The following AK9 variants were observed in gnomAD, a reference collection of about 807,000 sequenced individuals.
AK9 encodes adenylate kinase 9.
In AK9, 191 loss-of-function variants were observed where a neutral mutation model predicts 239.6. The ratio of observed to expected loss-of-function variants is 0.80; its 90% CI spans 0.71 to 0.90. AK9 has a LOEUF of 0.90. AK9 is among the 40% of genes least tolerant of loss of function. The pLI is 0.00. For missense variants in AK9, 1,995 were observed against 2,214.7 expected (o/e 0.90, Z 1.99); for synonymous variants, 689 against 721.0 (o/e 0.96, Z 0.71).
chr6:109,520,027 A>C (rs989944352), intron 29 of AK9, among the ~76,000 whole-genome samples: 4 of 152,128 alleles, frequency 2.6e-5, no homozygotes, highest in Admixed American at 2.6e-4. Context: ...ATAGTTTGTG[A>C]ATATTTTCTC....
In AK9 at chr6:109,672,125, G is replaced by A. The variant is rs771146145; in HGVS notation, c.224C>T (p.Ser75Leu). The change falls in exon 4 of 41, where the codon TCA becomes TTA. Residue 75 changes from serine to leucine, a missense_variant. Transcript: ENST00000424296. The stretch of plus-strand genomic sequence containing the variant: ...TTTAGGTTTGTTTACCATAACTCCT[G>A]ATTCGGTTTCAGCAGCAATCTGTTC... ...LEEQIAAETESGVMLQSMLIS... is the reference protein window; with the variant it reads ...LEEQIAAETELGVMLQSMLIS... The A allele has an allele frequency of 6.2e-7, 1 of 1,613,358 alleles. No homozygotes were observed. The highest frequency in any genetic ancestry group is 8.5e-7 in the Non-Finnish European group (1 of 1,179,700).
chr6:109,647,596 TTAGTGAC>T (rs1333112800), intron 8 of AK9, among the ~76,000 whole-genome samples: 1 of 152,168 alleles, frequency 6.6e-6, no homozygotes, highest in Non-Finnish European at 1.5e-5. Context: ...AAGCAAGTCC[TTAGTGAC>T]TTACAAAGAA....
At chr6:109,627,703 TG>T (rs1795708154) in intron 12 of AK9, among the ~76,000 whole-genome samples, 1 of 152,248 alleles carries the variant, frequency 6.6e-6, no homozygotes. Flanking sequence ...TCACCCAGGC[TG>T]GAATGCAGTG....
At chr6:109,567,867 G>T (rs952846545) in intron 21 of AK9, among the ~76,000 whole-genome samples, 1 of 130,652 alleles carries the variant, frequency 7.7e-6, no homozygotes, top group African/African-American at 2.8e-5. Flanking sequence ...ATGTACCCTA[G>T]AACTTAAAGT....
intron 5 of AK9, among the ~76,000 whole-genome samples, chr6:109,664,570 G>C (rs951853750): frequency 6.6e-6 from 1 of 152,002 alleles, no homozygotes; most frequent in East Asian, 2.0e-4. Flanking sequence ...GACTACAGGC[G>C]CATGCTACCA....
At position 109,573,483 on chromosome 6, in the gene AK9, T is replaced by A. The variant is rs751535031; in HGVS notation, c.2303A>T (p.Glu768Val). 100 of 1,551,000 alleles carry A rather than the reference T, an allele frequency of 6.4e-5. 1 individual carries two copies. In the South Asian group the frequency reaches 7.1e-4, roughly 11 times the overall value. ...TTCAGGGACCTCAGATGCTTCAAAC[T>A]CCTCAGGTAACCATGACCCTCGGGT... ...HDTRGSWLPEEFEASEVPETE... is the reference protein window; with the variant it reads ...HDTRGSWLPEVFEASEVPETE... The change falls in exon 21 of 41, where the codon GAG (glutamate) becomes GTG (valine). Residue 768 changes from glutamate to valine, a missense_variant. Glu to Val is a moderately radical substitution (Grantham distance 121). Coordinates refer to ENST00000424296, the MANE Select transcript of AK9 (RefSeq NM_001145128.3).
At chr6:109,670,199 G>T (rs1801865851) in intron 5 of AK9, among the ~76,000 whole-genome samples, 1 of 152,018 alleles carries the variant, frequency 6.6e-6, no homozygotes, top group Admixed American at 6.6e-5. Flanking sequence ...GTTAGATCCT[G>T]CTTCAAAAAA....
chr6:109,600,834 C>T (rs1037091265), intron 17 of AK9, among the ~76,000 whole-genome samples: 1 of 152,228 alleles, frequency 6.6e-6, no homozygotes, highest in Middle Eastern at 3.4e-3. Flanking sequence ...TGAATTTATC[C>T]ATTTCTTCTA....
At chr6:109,682,688 G>A (rs1772854073) in intron 1 of AK9, among the ~76,000 whole-genome samples, 2 of 152,168 alleles carry the variant, frequency 1.3e-5, no homozygotes, top group African/African-American at 4.8e-5. Context: ...ACCCTCCCAA[G>A]TCTAAACCAG....
chr6:109,494,504 ACCTGACACGTAATT>A (rs1280524360), intron 39 of AK9: 1 of 157,146 alleles, frequency 6.4e-6, no homozygotes, highest in Non-Finnish European at 1.4e-5. Context: ...ACCCTTGGCT[ACCTGACACGTAATT>A]CCAGAGACCA....
intron 21 of AK9, among the ~76,000 whole-genome samples, chr6:109,569,855 T>C (rs1166064076): frequency 6.6e-6 from 1 of 152,144 alleles, no homozygotes; most frequent in East Asian, 1.9e-4. Context: ...GTTCAACCAT[T>C]GTGGAAGACA....
chr6:109,585,874 C>G lies in AK9; in HGVS notation c.1999+42G>C, dbSNP rs1274180887. 15 of 1,510,336 alleles carry G rather than the reference C, an allele frequency of 9.9e-6. No individual in the cohort carries two copies. The South Asian group carries it at 1.9e-4, about 20-fold the overall frequency. 93.6% of individuals were successfully genotyped at this position (1,510,336 alleles called of 1,614,324 possible). ...TATATTTAACCAAAAATATCAATAA[C>G]AAAACTTCACTTTCAAATTTACATA... On this transcript the variant is annotated intron_variant, in intron 18 of 40. Coordinates refer to ENST00000424296, the MANE Select transcript of AK9 (RefSeq NM_001145128.3).
intron 12 of AK9, among the ~76,000 whole-genome samples, chr6:109,626,553 T>G (rs1795547161): frequency 6.6e-6 from 1 of 152,186 alleles, no homozygotes; most frequent in Admixed American, 6.5e-5. Flanking sequence ...TTTGTTGTTG[T>G]GCAAACAGCA....
chr6:109,605,569 C>T (rs9386822), intron 17 of AK9, among the ~76,000 whole-genome samples: 28,795 of 151,874 alleles, frequency 0.19, 3,204 homozygotes, highest in South Asian at 0.34. Flanking sequence ...GATTCTGATG[C>T]AAATGGATAA....
chr6:109,583,225 T>C (rs1328072539), intron 19 of AK9, among the ~76,000 whole-genome samples: 1 of 152,150 alleles, frequency 6.6e-6, no homozygotes, highest in Non-Finnish European at 1.5e-5. Context: ...GGATCAAGTA[T>C]GTTGCTGCTG....
intron 35 of AK9, among the ~76,000 whole-genome samples, chr6:109,500,839 G>A (rs1048334098): frequency 6.6e-6 from 1 of 152,082 alleles, no homozygotes; most frequent in Non-Finnish European, 1.5e-5. Context: ...GCAACATGGC[G>A]AGACCCTGTC....
At chr6:109,522,992 T>C (rs1780024939) in intron 29 of AK9, among the ~76,000 whole-genome samples, 1 of 152,124 alleles carries the variant, frequency 6.6e-6, no homozygotes, top group Non-Finnish European at 1.5e-5. Context: ...ATGATTTACC[T>C]TTTTTCTTTA....
chr6:109,589,769 A>G (rs1180201092), intron 17 of AK9, among the ~76,000 whole-genome samples: 1 of 152,132 alleles, frequency 6.6e-6, no homozygotes, highest in Non-Finnish European at 1.5e-5. Flanking sequence ...GGTTTTTATT[A>G]TGAAGTGATG....
intron 21 of AK9, among the ~76,000 whole-genome samples, 162 bp downstream of exon 21, chr6:109,573,280 A>G (rs1293388376): frequency 3.9e-5 from 6 of 152,058 alleles, no homozygotes; most frequent in Non-Finnish European, 8.8e-5. Context: ...TTCCTACCAC[A>G]CTTCAAACTG....
Sources: allele counts gnomAD v4.1 joint callset (sites outside exome capture counted in the v4.1 genomes callset), GRCh38; gene constraint gnomAD v4.1.1; transcripts MANE v1.5; gene names NCBI Gene and HGNC (gene_info 2026-07-23, HGNC 2026-07-21).